The following SH3RF3 variants were observed in gnomAD, a reference collection of about 807,000 sequenced individuals.
SH3RF3 encodes the protein E3 ubiquitin-protein ligase SH3RF3.
In SH3RF3, 29 loss-of-function variants were observed where a neutral mutation model predicts 66.3. That is an observed-to-expected ratio of 0.44 (90% CI 0.33 to 0.60). The LOEUF is 0.60. Among genes scored for constraint, SH3RF3 ranks in the 20% least tolerant of loss-of-function variants. The pLI is 0.04. For synonymous variants in SH3RF3, 583 were observed against 532.0 expected (o/e 1.10, Z -1.32); for missense variants, 1,194 against 1,190.9 (o/e 1.00, Z -0.04).
At chr2:109,130,196 T>A (rs969202063) in intron 1 of SH3RF3, 83 bp downstream of exon 1, 1 of 1,195,224 alleles carries the variant, frequency 8.4e-7, no homozygotes, top group Non-Finnish European at 1.0e-6. Flanking sequence ...AGTGATGAGG[T>A]GCGGAGGAGA....
chr2:109,459,434 A>C (rs1338035827), intron 8 of SH3RF3, among the ~76,000 whole-genome samples: 4 of 152,032 alleles, frequency 2.6e-5, no homozygotes, highest in African/African-American at 9.7e-5. Flanking sequence ...CCAAACCTTC[A>C]TTCCTGAAGG....
Position 109,380,282 on chromosome 2 carries a change from A to G in SH3RF3, c.945+8601A>G, listed in dbSNP as rs185426449. ...CTTATAATAGAATATCTTACATTCC[A>G]TTGCTGCTGGGAGTCTTGTTGCTGT... On this transcript the variant is annotated intron_variant, in intron 3 of 9. Coordinates refer to ENST00000309415, the MANE Select transcript of SH3RF3 (RefSeq NM_001099289.3). 4.0e-3 allele frequency among the ~76,000 whole-genome samples: 610 copies of G among 152,238 alleles called. 4 individuals carry two copies. The highest frequency in any genetic ancestry group is 5.3e-3 in the Non-Finnish European group (361 of 68,002).
At chr2:109,178,938 A>G (rs1247867914) in intron 1 of SH3RF3, among the ~76,000 whole-genome samples, 3 of 151,774 alleles carry the variant, frequency 2.0e-5, no homozygotes, top group Non-Finnish European at 4.4e-5. Context: ...AAGATATTCA[A>G]ATTAACTTTT....
intron 1 of SH3RF3, among the ~76,000 whole-genome samples, chr2:109,324,078 C>T (rs780185525): frequency 6.6e-5 from 10 of 152,156 alleles, no homozygotes; most frequent in Non-Finnish European, 1.2e-4. Context: ...CCTTTTGTGT[C>T]TTACTTCTTT....
intron 1 of SH3RF3, among the ~76,000 whole-genome samples, chr2:109,301,304 G>A (rs1052358129): frequency 1.3e-5 from 2 of 150,470 alleles, no homozygotes; most frequent in Non-Finnish European, 2.9e-5. Context: ...GTGTGTGTAT[G>A]TGGTGGGGGG....
intron 8 of SH3RF3, among the ~76,000 whole-genome samples, chr2:109,467,322 C>T (rs924615766): frequency 2.0e-5 from 3 of 152,246 alleles, no homozygotes; most frequent in African/African-American, 7.2e-5. Flanking sequence ...AAACCAGCTG[C>T]TGATACACAC....
At chr2:109,153,523 T>C (rs6739562) in intron 1 of SH3RF3, among the ~76,000 whole-genome samples, 106,161 of 152,134 alleles carry the variant, frequency 0.7, 38,197 homozygotes, top group African/African-American at 0.76. Context: ...AGAGGAAGCA[T>C]GGGCTCGGCT....
intron 1 of SH3RF3, among the ~76,000 whole-genome samples, chr2:109,175,147 A>T (rs1235784499): frequency 6.6e-6 from 1 of 152,058 alleles, no homozygotes; most frequent in African/African-American, 2.4e-5. Context: ...CTAAACCGGG[A>T]CCTAGTCCTG....
chr2:109,379,782 G>A (rs769699273), intron 3 of SH3RF3, among the ~76,000 whole-genome samples: 4 of 152,082 alleles, frequency 2.6e-5, no homozygotes, highest in Non-Finnish European at 5.9e-5. Context: ...TGCAGGTGAA[G>A]CCCGGTCATT....
chr2:109,416,299 G>A (rs1303438554), intron 4 of SH3RF3, among the ~76,000 whole-genome samples: 1 of 152,028 alleles, frequency 6.6e-6, no homozygotes, highest in Admixed American at 6.5e-5. Flanking sequence ...TGCATGCTTA[G>A]AATTACATGT....
intron 5 of SH3RF3, among the ~76,000 whole-genome samples, chr2:109,425,491 T>C (rs1432643374): frequency 2.0e-5 from 3 of 152,162 alleles, no homozygotes; most frequent in African/African-American, 4.8e-5. Flanking sequence ...ACAGGCAGAC[T>C]CTCTTGTTAG....
chr2:109,198,969 T>G (rs1404093733), intron 1 of SH3RF3, among the ~76,000 whole-genome samples: 2 of 152,126 alleles, frequency 1.3e-5, no homozygotes, highest in African/African-American at 4.8e-5. Context: ...GTATATGCAG[T>G]CATCATGGAC....
intron 7 of SH3RF3, among the ~76,000 whole-genome samples, chr2:109,445,918 G>A (rs1472548476): frequency 1.3e-5 from 2 of 152,112 alleles, no homozygotes; most frequent in Admixed American, 1.3e-4. Flanking sequence ...AGAATGAACT[G>A]AGTGAGGGCT....
chr2:109,191,537 G>A, intron 1 of SH3RF3, among the ~76,000 whole-genome samples: 1 of 152,216 alleles, frequency 6.6e-6, no homozygotes, highest in Non-Finnish European at 1.5e-5. Flanking sequence ...CCCCTCCTGA[G>A]AGTCTGCTCA....
At chr2:109,340,187 C>T (rs1023447236) in intron 1 of SH3RF3, among the ~76,000 whole-genome samples, 3 of 152,142 alleles carry the variant, frequency 2.0e-5, no homozygotes, top group Non-Finnish European at 4.4e-5. Flanking sequence ...CCACCTGGAT[C>T]CAGTCCTGTC....
At chr2:109,383,044 A>G (rs1675737148) in intron 3 of SH3RF3, among the ~76,000 whole-genome samples, 1 of 152,226 alleles carries the variant, frequency 6.6e-6, no homozygotes, top group Non-Finnish European at 1.5e-5. Flanking sequence ...CATTTAAAGA[A>G]GTTTGGAGGA....
At chr2:109,187,306 G>A (rs1678217403) in intron 1 of SH3RF3, among the ~76,000 whole-genome samples, 1 of 151,534 alleles carries the variant, frequency 6.6e-6, no homozygotes, top group Non-Finnish European at 1.5e-5. Context: ...AGTCTTTTCT[G>A]TTTAGTCTGA....
chr2:109,475,135 G>T (rs930695552), intron 8 of SH3RF3, among the ~76,000 whole-genome samples: 1 of 152,056 alleles, frequency 6.6e-6, no homozygotes, highest in African/African-American at 2.4e-5. Flanking sequence ...GCACCACCAC[G>T]CCCAGCTAAT....
At chr2:109,262,598 A>T (rs1680383315) in intron 1 of SH3RF3, among the ~76,000 whole-genome samples, 1 of 152,192 alleles carries the variant, frequency 6.6e-6, no homozygotes, top group Non-Finnish European at 1.5e-5. Flanking sequence ...AAGCTGAGAA[A>T]TGAAAGAGCA....
Sources: allele counts gnomAD v4.1 joint callset (sites outside exome capture counted in the v4.1 genomes callset), GRCh38; gene constraint gnomAD v4.1.1; transcripts MANE v1.5; gene names NCBI Gene and HGNC (gene_info 2026-07-23, HGNC 2026-07-21).